The following ARHGEF37 variants were observed in gnomAD, a reference collection of about 807,000 sequenced individuals.
The protein encoded by ARHGEF37 is Rho guanine nucleotide exchange factor 37.
Under a neutral mutation model 71.1 loss-of-function variants are expected in ARHGEF37, and 55 were observed. The ratio of observed to expected loss-of-function variants is 0.77; its 90% CI spans 0.62 to 0.97. The LOEUF (loss-of-function observed/expected upper bound fraction) is 0.97. ARHGEF37 is among the 50% of genes least tolerant of loss of function. The probability of loss-of-function intolerance (pLI) is 0.00; values close to 1 mark genes in which losing one functional copy is unlikely to be tolerated. For synonymous variants in ARHGEF37, 327 were observed against 350.6 expected, an observed-to-expected ratio of 0.93 and a Z score of 0.75; for missense variants, 765 against 836.8, an observed-to-expected ratio of 0.91 and a Z score of 1.06.
chr5:149,606,183 C>T (rs997701269), intron 3 of ARHGEF37, among the ~76,000 whole-genome samples: 18 of 152,128 alleles, frequency 1.2e-4, no homozygotes, highest in African/African-American at 4.1e-4. Context: ...CTGTGGGAAC[C>T]GGCCTAGGTT....
At chr5:149,583,610 C>T (rs56342926) in intron 1 of ARHGEF37, among the ~76,000 whole-genome samples, 38,980 of 152,124 alleles carry the variant, frequency 0.26, 5,426 homozygotes, top group Admixed American at 0.41. Context: ...AGTGCCTTGG[C>T]TGATTCTGCC....
intron 2 of ARHGEF37, among the ~76,000 whole-genome samples, chr5:149,598,814 G>A (rs1763668920): frequency 6.8e-6 from 1 of 147,186 alleles, no homozygotes; most frequent in African/African-American, 2.5e-5. Flanking sequence ...ATATATGTGT[G>A]TGTGTGTGTA....
chr5:149,630,266 A>G (rs962734091), intron 12 of ARHGEF37, among the ~76,000 whole-genome samples: 1 of 152,176 alleles, frequency 6.6e-6, no homozygotes, highest in Non-Finnish European at 1.5e-5. Flanking sequence ...TGAGCGGGGA[A>G]GAAGTTCAGT....
intron 1 of ARHGEF37, among the ~76,000 whole-genome samples, chr5:149,564,428 A>G (rs1762873854): frequency 6.6e-6 from 1 of 152,112 alleles, no homozygotes; most frequent in African/African-American, 2.4e-5. Flanking sequence ...TCTTACTCCA[A>G]AGAACCTGCT....
In ARHGEF37 at chr5:149,624,100, A is replaced by G. The variant is rs1487374923; in HGVS notation, c.1424A>G (p.Gln475Arg). 6.2e-7 allele frequency: 1 copy of G among 1,611,674 alleles called. No individual in the cohort carries two copies. The highest frequency in any genetic ancestry group is 1.1e-5 in the South Asian group (1 of 90,972). Residue 475 changes from glutamine to arginine, a missense_variant, in exon 10 of 13, where the codon CAA becomes CGA. Around this residue, in one of 5 missense-constraint regions of ARHGEF37, gnomAD observed 390 missense variants for 407.4 expected, o/e 0.96. Coordinates refer to ENST00000333677, the MANE Select transcript of ARHGEF37 (RefSeq NM_001001669.3). ...ACGAGTAACCAGCTTCGCTCCTTTCAAGAGACCTTTGAGAAAGTGCAGCCA... is the reference window on the plus strand; with the variant it reads ...ACGAGTAACCAGCTTCGCTCCTTTCGAGAGACCTTTGAGAAAGTGCAGCCA... ...GRTSNQLRSF[Q>R]ETFEKVQPPP... is the part of the protein sequence containing the mutation.
chr5:149,569,382 C>T (rs1391102331), intron 1 of ARHGEF37, among the ~76,000 whole-genome samples: 1 of 152,042 alleles, frequency 6.6e-6, no homozygotes, highest in African/African-American at 2.4e-5. Flanking sequence ...TGCAGCAGTG[C>T]GATCTCTGCT....
chr5:149,611,985 T>C (rs575692525), intron 4 of ARHGEF37, among the ~76,000 whole-genome samples: 2 of 152,316 alleles, frequency 1.3e-5, no homozygotes, highest in East Asian at 3.9e-4. Context: ...TTAGTGTGCA[T>C]ATGCTTGGAC....
At chr5:149,553,495 A>G (rs1312750938) in intron 1 of ARHGEF37, among the ~76,000 whole-genome samples, 1 of 151,842 alleles carries the variant, frequency 6.6e-6, no homozygotes, top group African/African-American at 2.4e-5. Context: ...CTTTTCTGCT[A>G]ATTTTCTCAC....
At chr5:149,567,578 A>G (rs892831728) in intron 1 of ARHGEF37, among the ~76,000 whole-genome samples, 1 of 152,130 alleles carries the variant, frequency 6.6e-6, no homozygotes, top group African/African-American at 2.4e-5. Context: ...CTTTCTTTAT[A>G]CATCCAGTTA....
At chr5:149,562,594 C>T (rs1057127861) in intron 1 of ARHGEF37, among the ~76,000 whole-genome samples, 6 of 152,138 alleles carry the variant, frequency 3.9e-5, no homozygotes, top group African/African-American at 1.4e-4. Flanking sequence ...AGGGCCCACC[C>T]GGCTACCACA....
intron 10 of ARHGEF37, 143 bp from the exon 11 acceptor site, chr5:149,626,933 T>C: frequency 1.3e-6 from 1 of 746,710 alleles, no homozygotes; most frequent in South Asian, 3.0e-5. Context: ...AGGGCCCTGT[T>C]GCCCTGATCA....
intron 6 of ARHGEF37, among the ~76,000 whole-genome samples, chr5:149,618,576 AAT>A (rs1752444062): frequency 1.3e-5 from 2 of 152,220 alleles, no homozygotes; most frequent in Admixed American, 6.5e-5. Flanking sequence ...ACCAGCCCTA[AAT>A]AGCTACTTCT....
At chr5:149,561,467 G>A (rs1762829704) in intron 1 of ARHGEF37, among the ~76,000 whole-genome samples, 1 of 152,154 alleles carries the variant, frequency 6.6e-6, no homozygotes, top group African/African-American at 2.4e-5. Context: ...TTGGCAAAGA[G>A]TTACTGTGAA....
At chr5:149,594,992 C>A (rs1763505227) in intron 1 of ARHGEF37, among the ~76,000 whole-genome samples, 1 of 152,098 alleles carries the variant, frequency 6.6e-6, no homozygotes, top group African/African-American at 2.4e-5. Flanking sequence ...CTGTGTGATT[C>A]CATTTACATG....
chr5:149,598,756 A>C (rs1391109893), intron 2 of ARHGEF37, among the ~76,000 whole-genome samples: 2 of 77,320 alleles, frequency 2.6e-5, no homozygotes, highest in Non-Finnish European at 5.3e-5. Context: ...ATATCTATAT[A>C]TAGATATAGA....
At chr5:149,595,680 A>G in intron 1 of ARHGEF37, among the ~76,000 whole-genome samples, 1 of 152,114 alleles carries the variant, frequency 6.6e-6, no homozygotes, top group East Asian at 1.9e-4. Flanking sequence ...CATCTTCAGG[A>G]CATGGTTATC....
At chr5:149,630,274 A>AGTGGGATGTTGGAAGG (rs1752840654) in intron 12 of ARHGEF37, among the ~76,000 whole-genome samples, 1 of 152,162 alleles carries the variant, frequency 6.6e-6, no homozygotes, top group South Asian at 2.1e-4. Context: ...GAAGAAGTTC[A>AGTGGGATGTTGGAAGG]GTGGGATGTT....
intron 6 of ARHGEF37, 127 bp downstream of exon 6, chr5:149,618,433 C>A: frequency 7.1e-7 from 1 of 1,418,014 alleles, no homozygotes; most frequent in East Asian, 2.5e-5. Context: ...GATTGAGGTG[C>A]TGGGAAGAGG....
intron 4 of ARHGEF37, among the ~76,000 whole-genome samples, chr5:149,610,165 G>A (rs559449209): frequency 6.6e-6 from 1 of 152,336 alleles, no homozygotes; most frequent in South Asian, 2.1e-4. Flanking sequence ...CACATGTCCA[G>A]GGTTGGAGAA....
Sources: allele counts gnomAD v4.1 joint callset (sites outside exome capture counted in the v4.1 genomes callset), GRCh38; gene constraint gnomAD v4.1.1; regional missense constraint gnomAD v4.1.1; transcripts MANE v1.5; gene names NCBI Gene and HGNC (gene_info 2026-07-23, HGNC 2026-07-21).